The following SATB1 variants were observed in gnomAD, a reference collection of about 807,000 sequenced individuals.
SATB1 encodes SATB homeobox 1, also known as DNA-binding protein SATB1.
In SATB1, 11 loss-of-function variants were observed where a neutral mutation model predicts 86.9. The ratio of observed to expected loss-of-function variants is 0.13; its 90% CI spans 0.08 to 0.21. The LOEUF is 0.21. SATB1 is among the 10% of genes least tolerant of loss of function. The probability of loss-of-function intolerance (pLI) is 1.00; values close to 1 mark genes in which losing one functional copy is unlikely to be tolerated. For missense variants in SATB1, 551 were observed against 937.6 expected (o/e 0.59, Z 5.39); for synonymous variants, 357 against 357.2 (o/e 1.00, Z 0.01).
In SATB1 at chr3:18,386,571, T is replaced by C; in HGVS notation, c.1247A>G (p.Lys416Arg). ...SEILRKEEDP[K>R]TASQSLLVNL... is the part of the protein sequence containing the mutation. ...TACCAGCAAAGACTGGGATGCAGTC[T>C]TGGGGTCCTCTTCCTTTCGGAGGAT... Residue 416 changes from lysine to arginine, a missense_variant, in exon 8 of 11, where the codon AAG (lysine) becomes AGG (arginine). Around this residue, in one of 8 missense-constraint regions of SATB1, gnomAD observed 110 missense variants for 212.2 expected, o/e 0.52. Transcript: ENST00000338745. This position sits in a 1 kb window ranked among gnomAD's most constrained non-coding sequence, Gnocchi z 4.5. 2 of 1,614,138 alleles carry C rather than the reference T, an allele frequency of 1.2e-6. No individual in the cohort carries two copies. Among genetic ancestry groups the C allele is most frequent in the Non-Finnish European group, 8.5e-7 (1 of 1,180,008 alleles).
chr3:18,398,016 T>C (rs949699040), intron 5 of SATB1, among the ~76,000 whole-genome samples: 14 of 152,190 alleles, frequency 9.2e-5, no homozygotes, highest in African/African-American at 2.2e-4. Flanking sequence ...AGCTTAAGTT[T>C]TGAATTTCAA....
intron 10 of SATB1, chr3:18,351,154 A>C (rs1040929694): frequency 1.5e-6 from 1 of 668,162 alleles, no homozygotes; most frequent in South Asian, 1.6e-5. Context: ...ATGACATGAC[A>C]AACAAAGCAT....
chr3:18,443,591 G>T (rs1327567165), upstream of SATB1, among the ~76,000 whole-genome samples: 1 of 152,142 alleles, frequency 6.6e-6, no homozygotes, highest in Admixed American at 6.5e-5. The surrounding 1 kb of genome is among the most constrained non-coding windows in gnomAD (Gnocchi z 4.4). Flanking sequence ...TCCCCTGTTG[G>T]TCTTCTGAGG....
chr3:18,384,655 A>G (rs1276432847), intron 8 of SATB1, among the ~76,000 whole-genome samples: 1 of 152,138 alleles, frequency 6.6e-6, no homozygotes, highest in Non-Finnish European at 1.5e-5. Flanking sequence ...AAAGTACCAA[A>G]CCAAATTATT....
intron 7 of SATB1, among the ~76,000 whole-genome samples, chr3:18,393,511 T>G (rs767925623): frequency 6.6e-6 from 1 of 152,182 alleles, no homozygotes; most frequent in African/African-American, 2.4e-5. Flanking sequence ...CTCTCATATA[T>G]ATCACTTTTT....
intron 2 of SATB1, among the ~76,000 whole-genome samples, chr3:18,435,723 T>A (rs1213886853): frequency 6.6e-6 from 1 of 152,162 alleles, no homozygotes; most frequent in Admixed American, 6.5e-5. Flanking sequence ...AGTAATACAA[T>A]AATCAGTGAC....
chr3:18,420,738 T>C lies in SATB1; in HGVS notation c.211+19A>G, dbSNP rs371761495. On this transcript the variant is annotated intron_variant, in intron 2 of 10. Coordinates refer to ENST00000338745, the MANE Select transcript of SATB1 (RefSeq NM_002971.6). ...AACAGGGCTTTCAGCTTTTCAAGAT[T>C]TGGCTTGAAGGTATTTACCTTTCCT... The C allele has an allele frequency of 5.0e-6, 8 of 1,605,804 alleles. No homozygotes were observed. The highest frequency in any genetic ancestry group is 2.2e-5 in the South Asian group (2 of 90,880).
At chr3:18,440,760 G>A (rs1004861721), upstream of SATB1, among the ~76,000 whole-genome samples, 1 of 151,968 alleles carries the variant, frequency 6.6e-6, no homozygotes, top group African/African-American at 2.4e-5. Context: ...CTGTCAAAAT[G>A]TAAACCAATT....
intron 10 of SATB1, 93 bp downstream of exon 10, chr3:18,351,899 A>T: frequency 8.3e-7 from 1 of 1,209,672 alleles, no homozygotes; most frequent in Non-Finnish European, 1.2e-6. Flanking sequence ...GCCTATGGTT[A>T]GACTGGCAGG....
intron 4 of SATB1, 125 bp downstream of exon 4, chr3:18,415,882 G>A (rs1037184326): frequency 2.6e-6 from 2 of 755,478 alleles, no homozygotes; most frequent in South Asian, 3.7e-5. Context: ...TAACAAAATC[G>A]ATCTGTATTA....
chr3:18,432,803 C>CA (rs5846986), intron 2 of SATB1, among the ~76,000 whole-genome samples: 2,131 of 137,484 alleles, frequency 0.015, 32 homozygotes, highest in East Asian at 0.032. Flanking sequence ...TAAACATTTT[C>CA]AAAAAAAAAA....
In SATB1 at chr3:18,346,078, T is replaced by C. The variant is rs1694040086; in HGVS notation, c.*3092A>G. On this transcript the variant is annotated 3_prime_UTR_variant, in exon 11 of 11. Coordinates refer to ENST00000338745, the MANE Select transcript of SATB1 (RefSeq NM_002971.6). ...TAACCAATACACATTTTATACATAA[T>C]ATGTACAGACTTTGTTACCAAGCGC... The C allele has an allele frequency of 6.6e-6, 1 of 152,154 alleles. No individual in the cohort carries two copies. Among genetic ancestry groups the C allele is most frequent in the Non-Finnish European group, 1.5e-5 (1 of 67,982 alleles). The allele number at this position is 152,154 out of a possible 1,614,324, so 9.4% of individuals were successfully genotyped here.
In SATB1 at chr3:18,349,709, A is replaced by G; in HGVS notation, c.1780-27T>C. On this transcript the variant is annotated intron_variant, in intron 10 of 10. Coordinates refer to ENST00000338745, the MANE Select transcript of SATB1 (RefSeq NM_002971.6). This position sits in a 1 kb window ranked among gnomAD's most constrained non-coding sequence, Gnocchi z 5.5. Reference sequence around the variant, plus strand: ...TGCAAAGAAACAAGGAGACAATCAGAGCTCTGCTATCGTGGAGTTCCACAC... The same window carrying G: ...TGCAAAGAAACAAGGAGACAATCAGGGCTCTGCTATCGTGGAGTTCCACAC... The G allele has an allele frequency of 6.4e-7, 1 of 1,567,710 alleles. No individual in the cohort carries two copies. The highest frequency in any genetic ancestry group is 8.6e-7 in the Non-Finnish European group (1 of 1,157,878).
At chr3:18,375,902 T>C (rs1333652584) in intron 9 of SATB1, among the ~76,000 whole-genome samples, 1 of 152,318 alleles carries the variant, frequency 6.6e-6, no homozygotes, top group Non-Finnish European at 1.5e-5. Flanking sequence ...AGTTAATAGT[T>C]TGCTTGACTC....
At chr3:18,387,031 G>C (rs1575123804) in intron 7 of SATB1, among the ~76,000 whole-genome samples, 1 of 152,152 alleles carries the variant, frequency 6.6e-6, no homozygotes. Context: ...TTCTAGAGAA[G>C]TAGAACTTTC....
intron 7 of SATB1, among the ~76,000 whole-genome samples, chr3:18,389,661 T>C (rs967219028): frequency 5.3e-5 from 8 of 152,142 alleles, no homozygotes; most frequent in Non-Finnish European, 1.0e-4. Flanking sequence ...GGCCATCATG[T>C]ACCTTATTTA....
chr3:18,362,372 G>A (rs746499244), intron 9 of SATB1, among the ~76,000 whole-genome samples: 5 of 152,006 alleles, frequency 3.3e-5, no homozygotes, highest in African/African-American at 9.7e-5. Flanking sequence ...GTAAAAATGC[G>A]GCAAAGGATT....
At chr3:18,372,039 T>C (rs1695500954) in intron 9 of SATB1, among the ~76,000 whole-genome samples, 1 of 152,354 alleles carries the variant, frequency 6.6e-6, no homozygotes, top group Non-Finnish European at 1.5e-5. Context: ...GAAAACTTTA[T>C]AGAATATTCT....
chr3:18,401,139 A>G (rs927030310), intron 5 of SATB1, among the ~76,000 whole-genome samples: 3 of 152,084 alleles, frequency 2.0e-5, no homozygotes, highest in African/African-American at 7.2e-5. Context: ...CCTGCTGTTT[A>G]TTTTGCACTG....
Sources: gnomAD v4.1 joint callset for allele counts (sites outside exome capture counted in the v4.1 genomes callset) on GRCh38, gnomAD v4.1.1 for gene constraint, gnomAD v4.1.1 regional missense constraint, Gnocchi (gnomAD v3.1) non-coding constraint, MANE v1.5 for transcripts, NCBI Gene and HGNC (gene_info 2026-07-23, HGNC 2026-07-21) for gene names.